Variants in VRK2 observed in about 807,000 individuals in gnomAD.
VRK2 encodes the protein VRK serine/threonine kinase 2, also known as serine/threonine-protein kinase VRK2.
A neutral mutation model predicts 57.6 loss-of-function variants in VRK2; 60 were observed. The ratio of observed to expected loss-of-function variants is 1.04; its 90% confidence interval spans 0.85 to 1.29. The LOEUF is 1.29. VRK2 is among the 50% of genes most tolerant of loss of function. The pLI is 0.00. For synonymous variants in VRK2, 231 were observed against 199.2 expected, an observed-to-expected ratio of 1.16 and a Z score of -1.35; for missense variants, 705 against 588.1, an observed-to-expected ratio of 1.20 and a Z score of -2.06.
chr2:58,047,318 C>A (rs1674968555), intron 1 of VRK2: 1 of 641,664 alleles, frequency 1.6e-6, no homozygotes, highest in Non-Finnish European at 1.9e-6. Flanking sequence ...CACATGTTAA[C>A]CCCTGGGTAC....
chr2:57,991,171 A>G (rs1672755178), intron 1 of VRK2, among the ~76,000 whole-genome samples: 5 of 152,170 alleles, frequency 3.3e-5, no homozygotes. Flanking sequence ...AAACCCTCTG[A>G]GTGTACCAAA....
At chr2:57,917,223 G>A (rs899554639) in intron 1 of VRK2, among the ~76,000 whole-genome samples, 5 of 152,044 alleles carry the variant, frequency 3.3e-5, no homozygotes, top group African/African-American at 1.2e-4. Context: ...CAACATGTAG[G>A]AAAAGAGAAA....
intron 1 of VRK2, among the ~76,000 whole-genome samples, chr2:57,953,537 A>G (rs1671491240): frequency 6.6e-6 from 1 of 152,230 alleles, no homozygotes; most frequent in Non-Finnish European, 1.5e-5. Flanking sequence ...TTAGAACTGC[A>G]GTTATACACT....
At position 58,124,786 on chromosome 2, in the gene VRK2, C is replaced by T. The variant is rs532468619; in HGVS notation, c.676+1553C>T. Among the ~76,000 whole-genome samples the T allele has an allele frequency of 1.5e-4, 23 of 152,168 alleles. 1 individual carries two copies. Among genetic ancestry groups the T allele is most frequent in the African/African-American group, 5.5e-4 (23 of 41,548 alleles). The stretch of plus-strand genomic sequence containing the variant: ...CAGAAAGATTCATAGGCTTGATTTT[C>T]TGAAACGGAAATTATCTTTTATATT... On this transcript the variant is annotated intron_variant, in intron 8 of 12. Transcript: ENST00000340157.
chr2:58,088,375 G>C lies in VRK2; in HGVS notation c.379G>C (p.Asp127His), dbSNP rs1196259656. 2 of 1,613,148 alleles carry C rather than the reference G, an allele frequency of 1.2e-6. No individual in the cohort carries two copies. The highest frequency in any genetic ancestry group is 2.7e-5 in the African/African-American group (2 of 74,894). The change falls in exon 6 of 13, where the codon GAT becomes CAT. Residue 127 changes from aspartate (D) to histidine (H), a missense_variant. Physicochemically the swap from Asp to His is moderately conservative, Grantham distance 81. Transcript: ENST00000340157. ...TATGGTAATGGAAAGACTAGGAATA[G>C]ATTTACAGAAGATCTCAGGCCAGAA... ...RFMVMERLGI[D>H]LQKISGQNGT...
At chr2:58,014,825 G>C in intron 1 of VRK2, among the ~76,000 whole-genome samples, 1 of 152,220 alleles carries the variant, frequency 6.6e-6, no homozygotes, top group South Asian at 2.1e-4. Context: ...AGGTAAAAGA[G>C]TATTATTGTG....
chr2:58,033,078 T>C (rs1286554087), intron 2 of VRK2: 1 of 152,116 alleles, frequency 6.6e-6, no homozygotes, highest in African/African-American at 2.4e-5. Flanking sequence ...ACTCAGTCTA[T>C]AGCATATGTG....
chr2:58,135,198 C>T lies in VRK2; in HGVS notation c.855C>T (p.Cys285=). 6.2e-7 allele frequency: 1 copy of T among 1,614,140 alleles called. No homozygotes were observed. Among genetic ancestry groups the T allele is most frequent in the Non-Finnish European group, 8.5e-7 (1 of 1,180,004 alleles). The change falls in exon 10 of 13, where the codon TGC becomes TGT. Residue 285 remains cysteine (C), a splice_region_variant and synonymous_variant. Coordinates refer to ENST00000340157, the MANE Select transcript of VRK2 (RefSeq NM_006296.7). ...VLKWAPSGSS[C]CEIAQFLVCA... The stretch of plus-strand genomic sequence containing the variant: ...AATGGGCTCCTTCTGGAAGCAGTTG[C>T]TGTAAGTCAAATAATAACTTCAACC...
chr2:58,047,431 G>A (rs1035230105), intron 1 of VRK2: 1 of 985,284 alleles, frequency 1.0e-6, no homozygotes, highest in Non-Finnish European at 1.2e-6. Context: ...AGAGGCTGTC[G>A]TTTCCCTTGG....
rs1042190641 is a variant in VRK2, at chr2:57,908,335, C to T, written c.-439+496C>T. 2.0e-5 allele frequency among the ~76,000 whole-genome samples: 3 copies of T among 152,230 alleles called. No individual in the cohort carries two copies. The East Asian group carries it at 5.8e-4, about 29-fold the overall frequency. ...TTTTCTATGATATATTATAATTATACATCTGACAAAATTCTGAAATTGGCA... is the reference window on the plus strand; with the variant it reads ...TTTTCTATGATATATTATAATTATATATCTGACAAAATTCTGAAATTGGCA... On this transcript the variant is annotated intron_variant, in intron 1 of 15. Coordinates refer to the VRK2 transcript ENST00000417641.
chr2:57,981,146 T>C (rs1231450977), intron 1 of VRK2, among the ~76,000 whole-genome samples: 2 of 152,222 alleles, frequency 1.3e-5, no homozygotes, highest in Non-Finnish European at 2.9e-5. Context: ...GCTATGTACT[T>C]AAGTATATTT....
intron 8 of VRK2, among the ~76,000 whole-genome samples, chr2:58,126,589 C>T (rs1317162929): frequency 2.0e-5 from 3 of 152,048 alleles, no homozygotes; most frequent in African/African-American, 7.2e-5. Flanking sequence ...TCCTAGAACT[C>T]CTGTACATCT....
chr2:58,066,999 G>A lies in VRK2; in HGVS notation c.137-17090G>A, dbSNP rs569547033. On this transcript the variant is annotated intron_variant, in intron 2 of 12. Coordinates refer to ENST00000340157, the MANE Select transcript of VRK2 (RefSeq NM_006296.7). ...AACCTGAGTGGGCAGCATCTAATCA[G>A]CTTCCAGTGAGACTAGAACAAAGCA... Among the ~76,000 whole-genome samples, 3 of 152,308 alleles carry A rather than the reference G, an allele frequency of 2.0e-5. No individual in the cohort carries two copies. In the East Asian group the frequency reaches 5.8e-4, roughly 29 times the overall value.
At chr2:58,003,190 C>G (rs575440009) in intron 1 of VRK2, among the ~76,000 whole-genome samples, 38 of 152,078 alleles carry the variant, frequency 2.5e-4, no homozygotes, top group Admixed American at 4.6e-4. Flanking sequence ...ATATTTTGTA[C>G]TAGAAAGCAG....
intron 2 of VRK2, among the ~76,000 whole-genome samples, chr2:58,074,205 A>G (rs1394406801): frequency 6.6e-6 from 1 of 152,052 alleles, no homozygotes; most frequent in Non-Finnish European, 1.5e-5. Flanking sequence ...TTTCCTATAG[A>G]CATCATATAG....
At chr2:57,939,880 G>A (rs1473222261) in intron 1 of VRK2, among the ~76,000 whole-genome samples, 18 of 151,960 alleles carry the variant, frequency 1.2e-4, no homozygotes, top group Admixed American at 1.2e-3. Context: ...CCTTTTATTG[G>A]GTATTGATAA....
intron 1 of VRK2, among the ~76,000 whole-genome samples, chr2:57,944,992 A>G (rs987992404): frequency 6.6e-6 from 1 of 152,186 alleles, no homozygotes; most frequent in Non-Finnish European, 1.5e-5. Flanking sequence ...GCCAATTTAC[A>G]TATGAGGAAA....
At chr2:58,086,232 A>G in intron 4 of VRK2, 107 bp from the exon 5 acceptor site, 1 of 919,916 alleles carries the variant, frequency 1.1e-6, no homozygotes, top group Non-Finnish European at 1.7e-6. Flanking sequence ...ATCTTCTAGG[A>G]AGATCTAATT....
At chr2:58,027,999 C>G (rs1330109995) in intron 2 of VRK2, among the ~76,000 whole-genome samples, 1 of 152,134 alleles carries the variant, frequency 6.6e-6, no homozygotes, top group African/African-American at 2.4e-5. Flanking sequence ...AAGACCACAG[C>G]CTAGGCTTTC....
Sources: allele counts gnomAD v4.1 joint callset (sites outside exome capture counted in the v4.1 genomes callset), GRCh38; gene constraint gnomAD v4.1.1; transcripts MANE v1.5; gene names NCBI Gene and HGNC (gene_info 2026-07-23, HGNC 2026-07-21).